The following SEL1L variants were observed in gnomAD, a reference collection of about 807,000 sequenced individuals.
SEL1L encodes SEL1L adaptor subunit of SYVN1 ubiquitin ligase.
Under a neutral mutation model 109.8 loss-of-function variants are expected in SEL1L, and 52 were observed. That is an observed-to-expected ratio of 0.47 (90% CI 0.38 to 0.60). The LOEUF (loss-of-function observed/expected upper bound fraction) is 0.60, where lower values mean the gene tolerates loss of function less well. Among genes scored for constraint, SEL1L ranks in the 20% least tolerant of loss-of-function variants. The pLI is 0.00. For synonymous variants in SEL1L, 373 were observed against 339.6 expected (o/e 1.10, Z -1.08); for missense variants, 749 against 962.2 (o/e 0.78, Z 2.93).
At chr14:81,503,954 C>T (rs189499873) in intron 5 of SEL1L, among the ~76,000 whole-genome samples, 4 of 151,610 alleles carry the variant, frequency 2.6e-5, no homozygotes, top group Non-Finnish European at 4.4e-5. Flanking sequence ...GAAACTACTA[C>T]AACTTGAGTC....
intron 3 of SEL1L, among the ~76,000 whole-genome samples, chr14:81,517,532 C>T (rs192743168): frequency 1.2e-4 from 18 of 152,246 alleles, no homozygotes; most frequent in Admixed American, 2.6e-4. Context: ...ATATCCTCCC[C>T]CACCTCCCTT....
Position 81,477,236 on chromosome 14 carries a change from C to T in SEL1L, c.2176-55G>A, listed in dbSNP as rs7156253. 2.0e-3 allele frequency: 2,805 copies of T among 1,433,004 alleles called. 55 individuals are homozygous for T. In the African/African-American group the frequency reaches 0.035, roughly 18 times the overall value. The allele number at this position is 1,433,004 out of a possible 1,614,324, so 88.8% of individuals were successfully genotyped here. On this transcript the variant is annotated intron_variant, in intron 20 of 20. Coordinates refer to ENST00000336735, the MANE Select transcript of SEL1L (RefSeq NM_005065.6). ...TATCACTAAAATGTCAGGCAAGGAA[C>T]TGGGAAAGTTACATCACCAGAAGTA...
chr14:81,477,165 G>A lies in SEL1L; in HGVS notation c.2192C>T (p.Thr731Ile). 1 of 1,613,870 alleles carries A rather than the reference G, an allele frequency of 6.2e-7. No individual in the cohort carries two copies. Among genetic ancestry groups the A allele is most frequent in the South Asian group, 1.1e-5 (1 of 91,076 alleles). Reference sequence around the variant, plus strand: ...CAAAAGCTGGTCCATATCAAGTTGGGTGAACATATCTCGAATCTTAATGAA... The same window carrying A: ...CAAAAGCTGGTCCATATCAAGTTGGATGAACATATCTCGAATCTTAATGAA... ...IRETNIRDMF[T>I]QLDMDQLLGP... Residue 731 changes from threonine (T) to isoleucine (I), a missense_variant, in exon 21 of 21, where the codon ACC becomes ATC. Transcript: ENST00000336735.
chr14:81,508,498 G>A (rs1171871011), intron 3 of SEL1L, among the ~76,000 whole-genome samples: 2 of 152,028 alleles, frequency 1.3e-5, no homozygotes, highest in African/African-American at 2.4e-5. Context: ...GTAATTCCCA[G>A]CACTTTGGGA....
rs528398788 is a variant in SEL1L, at chr14:81,526,810, G to A, written c.263C>T (p.Thr88Ile). Residue 88 changes from threonine to isoleucine, a missense_variant, in exon 3 of 21, where the codon ACA becomes ATA. Thr to Ile is a moderately conservative substitution (Grantham distance 89, BLOSUM62 -1). Around this residue, in one of 2 missense-constraint regions of SEL1L, gnomAD observed 366 missense variants for 399.8 expected, o/e 0.92. Coordinates refer to ENST00000336735, the MANE Select transcript of SEL1L (RefSeq NM_005065.6). ...SLKSQEGESV[T>I]EDISFLESPN... is the part of the protein sequence containing the mutation. ...AGACTCTAGAAAGCTGATATCTTCT[G>A]TGACACTTTCCCCCTCTTGGCTCTT... 5 of 1,607,400 alleles carry A rather than the reference G, an allele frequency of 3.1e-6. No individual in the cohort carries two copies. In the African/African-American group the frequency reaches 6.7e-5, roughly 22 times the overall value.
chr14:81,486,220 T>C lies in SEL1L; in HGVS notation c.1798+69A>G. 4 of 1,409,086 alleles carry C rather than the reference T, an allele frequency of 2.8e-6. No individual in the cohort carries two copies. In the South Asian group the frequency reaches 5.4e-5, roughly 19 times the overall value. 87.3% of individuals were successfully genotyped at this position (1,409,086 alleles called of 1,614,324 possible). ...TTTCCTAGTAGCTTTTCTTTTTGAA[T>C]ACATTAAACAGTTTACTGGTGTGAA... is the stretch of plus-strand genomic sequence containing the variant. On this transcript the variant is annotated intron_variant, in intron 17 of 20. Transcript: ENST00000336735.
chr14:81,506,679 TCA>T (rs1161478057), intron 3 of SEL1L, among the ~76,000 whole-genome samples: 2 of 152,182 alleles, frequency 1.3e-5, no homozygotes, highest in Non-Finnish European at 2.9e-5. Context: ...AGCTAACCAC[TCA>T]CACACTCCTC....
chr14:81,513,464 G>A (rs1021615261), intron 3 of SEL1L, among the ~76,000 whole-genome samples: 1 of 151,970 alleles, frequency 6.6e-6, no homozygotes, highest in African/African-American at 2.4e-5. Flanking sequence ...CTCCAGACGC[G>A]CCACCTTAAG....
rs1566966774 is a variant in SEL1L, at chr14:81,472,626, T to C, written c.*4346A>G. On this transcript the variant is annotated 3_prime_UTR_variant, in exon 21 of 21. Transcript: ENST00000336735. ...AACAAACTTTAGATAAATAATATTA[T>C]AATCAGGCTAAAGTGAATCACGCTT... 6.7e-6 allele frequency: 3 copies of C among 448,902 alleles called. No individual in the cohort carries two copies. The allele number at this position is 448,902 out of a possible 1,614,324, so 27.8% of individuals were successfully genotyped here. A position where few individuals can be genotyped will look rare whatever the true frequency, so the allele number is the denominator to read the frequency against.
chr14:81,499,446 A>G lies in SEL1L; in HGVS notation c.891+13T>C, dbSNP rs369471691. On this transcript the variant is annotated intron_variant, in intron 8 of 20. Transcript: ENST00000336735. Reference sequence around the variant, plus strand: ...ATGTTAATATTATTAGCCTTCCACTAAAGTCTACTTACCAAAACCATGTGG... The same window carrying G: ...ATGTTAATATTATTAGCCTTCCACTGAAGTCTACTTACCAAAACCATGTGG... 41 of 1,607,524 alleles carry G rather than the reference A, an allele frequency of 2.6e-5. No individual in the cohort carries two copies. The Middle Eastern group carries it at 7.3e-4, about 29-fold the overall frequency.
chr14:81,478,829 T>G (rs1402713337), intron 20 of SEL1L, among the ~76,000 whole-genome samples: 2 of 152,212 alleles, frequency 1.3e-5, no homozygotes, highest in Non-Finnish European at 2.9e-5. Context: ...GGAAAGCCCA[T>G]TCTTGAATCT....
At chr14:81,509,970 A>C (rs150009292) in intron 3 of SEL1L, among the ~76,000 whole-genome samples, 1 of 152,336 alleles carries the variant, frequency 6.6e-6, no homozygotes, top group East Asian at 1.9e-4. Context: ...GCAGCCATTA[A>C]ACGAAAACCG....
In SEL1L at chr14:81,474,646, A is replaced by G. The variant is rs1341613966; in HGVS notation, c.*2326T>C. On this transcript the variant is annotated 3_prime_UTR_variant, in exon 21 of 21. Transcript: ENST00000336735. The stretch of plus-strand genomic sequence containing the variant: ...TGCTTAGGTACCATGTCCCATGAAC[A>G]AAAAAGAAGAAGAGAGCAAAGTATT... The G allele has an allele frequency of 6.6e-6, 1 of 152,194 alleles. No individual in the cohort carries two copies. The highest frequency in any genetic ancestry group is 1.5e-5 in the Non-Finnish European group (1 of 68,034). The allele number at this position is 152,194 out of a possible 1,614,324, so 9.4% of individuals were successfully genotyped here.
intron 3 of SEL1L, among the ~76,000 whole-genome samples, chr14:81,523,262 A>G (rs140584601): frequency 8.7e-4 from 132 of 152,306 alleles, no homozygotes; most frequent in African/African-American, 3.0e-3. Flanking sequence ...AGGAGCTAAA[A>G]GTTGAGCCAA....
intron 6 of SEL1L, among the ~76,000 whole-genome samples, chr14:81,500,410 G>A (rs957621357): frequency 6.6e-6 from 1 of 151,548 alleles, no homozygotes; most frequent in African/African-American, 2.4e-5. Context: ...TTTCCTTTTT[G>A]TATTTTTAGT....
intron 20 of SEL1L, among the ~76,000 whole-genome samples, chr14:81,478,027 C>T (rs1399443010): frequency 2.0e-5 from 3 of 152,136 alleles, no homozygotes; most frequent in Admixed American, 6.5e-5. Flanking sequence ...AACTAAAACA[C>T]AAAATATTTA....
In SEL1L at chr14:81,497,882, A is replaced by C. The variant is rs1883834604; in HGVS notation, c.1128+10T>G. The C allele has an allele frequency of 7.4e-6, 12 of 1,611,112 alleles. No individual in the cohort carries two copies. The highest frequency in any genetic ancestry group is 1.0e-5 in the Non-Finnish European group (12 of 1,178,630). ...AGTAAAGATATTTGGTGAGATGTTC[A>C]AACACGTACCTGTGCTTGTACATCA... On this transcript the variant is annotated intron_variant, in intron 10 of 20. Coordinates refer to ENST00000336735, the MANE Select transcript of SEL1L (RefSeq NM_005065.6).
chr14:81,506,242 C>T lies in SEL1L; in HGVS notation c.341-1G>A. 6.3e-7 allele frequency: 1 copy of T among 1,582,524 alleles called. No individual in the cohort carries two copies. On this transcript the variant is annotated splice_acceptor_variant, in intron 3 of 20. Coordinates refer to ENST00000336735, the MANE Select transcript of SEL1L (RefSeq NM_005065.6). LOFTEE classifies it high-confidence loss of function. ...GCTGTGCCTTCAATGGCGGTCAAAG[C>T]TGGAATGACAAGAAATAAAAATCTA...
At chr14:81,514,302 G>A (rs895489218) in intron 3 of SEL1L, among the ~76,000 whole-genome samples, 2 of 152,192 alleles carry the variant, frequency 1.3e-5, no homozygotes, top group African/African-American at 4.8e-5. Flanking sequence ...CTATTCAAGT[G>A]AGGACAAAAG....
Sources: gnomAD v4.1 joint callset for allele counts (sites outside exome capture counted in the v4.1 genomes callset) on GRCh38, gnomAD v4.1.1 for gene constraint, gnomAD v4.1.1 regional missense constraint, MANE v1.5 for transcripts, NCBI Gene and HGNC (gene_info 2026-07-23, HGNC 2026-07-21) for gene names.